Variants in PVT1 observed in about 807,000 individuals in gnomAD.
PVT1 encodes the protein Pvt1 oncogene.
chr8:128,083,231 C>A (rs1323459447), intron 5 of PVT1, among the ~76,000 whole-genome samples: 1 of 152,196 alleles, frequency 6.6e-6, no homozygotes, highest in Non-Finnish European at 1.5e-5. Flanking sequence ...TTGTTAGGAT[C>A]ATCGAATGGC....
intron 2 of PVT1, among the ~76,000 whole-genome samples, chr8:127,796,843 G>A (rs926332414): frequency 6.6e-6 from 1 of 150,378 alleles, no homozygotes; most frequent in Non-Finnish European, 1.5e-5. Context: ...ATAGTTGGCT[G>A]CAGACATAAG....
intron 2 of PVT1, among the ~76,000 whole-genome samples, chr8:127,813,456 G>T (rs545399639): frequency 6.6e-6 from 1 of 151,948 alleles, no homozygotes; most frequent in Non-Finnish European, 1.5e-5. Flanking sequence ...GGTTGTATTT[G>T]TAAATGCCTC....
At chr8:128,059,108 A>G (rs983575417) in intron 4 of PVT1, among the ~76,000 whole-genome samples, 10 of 152,278 alleles carry the variant, frequency 6.6e-5, no homozygotes, top group Middle Eastern at 3.4e-3. Flanking sequence ...CACATATTTT[A>G]TCATGGATAG....
chr8:128,006,627 A>G (rs748433733), intron 4 of PVT1, among the ~76,000 whole-genome samples: 2 of 152,242 alleles, frequency 1.3e-5, no homozygotes, highest in Non-Finnish European at 2.9e-5. Context: ...AGTTATTACT[A>G]CAGTGTGTGC....
At chr8:127,875,019 C>T (rs141693846) in intron 2 of PVT1, among the ~76,000 whole-genome samples, 6 of 152,124 alleles carry the variant, frequency 3.9e-5, no homozygotes, top group Non-Finnish European at 7.4e-5. Context: ...GGATGTGACC[C>T]CTTGGGTGCC....
At chr8:128,046,417 G>A (rs1035100625) in intron 4 of PVT1, among the ~76,000 whole-genome samples, 6 of 152,198 alleles carry the variant, frequency 3.9e-5, no homozygotes, top group African/African-American at 7.2e-5. Flanking sequence ...TCTGAAGTCC[G>A]GGAGCCTGGC....
At chr8:127,872,764 CACATGGGGG>C (rs1815364697) in intron 2 of PVT1, among the ~76,000 whole-genome samples, 1 of 152,184 alleles carries the variant, frequency 6.6e-6, no homozygotes, top group South Asian at 2.1e-4. Context: ...TTTCAGGTCT[CACATGGGGG>C]ACAGTCTTGC....
intron 4 of PVT1, among the ~76,000 whole-genome samples, chr8:128,007,823 G>C (rs1227759540): frequency 6.6e-6 from 1 of 152,206 alleles, no homozygotes; most frequent in Non-Finnish European, 1.5e-5. Context: ...AGGCAGTGCT[G>C]TGCAATGTCT....
intron 2 of PVT1, among the ~76,000 whole-genome samples, chr8:127,825,221 T>A (rs1214347813): frequency 6.6e-6 from 1 of 151,974 alleles, no homozygotes; most frequent in Non-Finnish European, 1.5e-5. Flanking sequence ...TGCACATATG[T>A]GTGCAGAAAC....
At chr8:128,005,366 C>G (rs1360790264) in intron 4 of PVT1, among the ~76,000 whole-genome samples, 1 of 152,126 alleles carries the variant, frequency 6.6e-6, no homozygotes, top group Non-Finnish European at 1.5e-5. Flanking sequence ...GATTGGACAC[C>G]CCTGTCTTAG....
chr8:127,984,363 A>T (rs1816920042), intron 3 of PVT1, among the ~76,000 whole-genome samples: 1 of 152,164 alleles, frequency 6.6e-6, no homozygotes, highest in Non-Finnish European at 1.5e-5. Flanking sequence ...AGCCATCGGG[A>T]AGTAGAGTGG....
chr8:127,911,171 C>T (rs1437170629), intron 3 of PVT1, among the ~76,000 whole-genome samples: 1 of 152,140 alleles, frequency 6.6e-6, no homozygotes, highest in Admixed American at 6.5e-5. Context: ...AGGTGGGACT[C>T]CCAGAATAGT....
intron 4 of PVT1, among the ~76,000 whole-genome samples, chr8:128,063,717 G>A (rs892530633): frequency 6.6e-6 from 1 of 152,100 alleles, no homozygotes; most frequent in Non-Finnish European, 1.5e-5. Flanking sequence ...CTGGGGAGGG[G>A]GTTGGGGAGA....
chr8:127,992,271 A>G (rs563558763), intron 4 of PVT1, among the ~76,000 whole-genome samples: 2 of 152,300 alleles, frequency 1.3e-5, no homozygotes, highest in Non-Finnish European at 2.9e-5. Context: ...CTGTAATCCT[A>G]GCTACTTGGG....
intron 3 of PVT1, among the ~76,000 whole-genome samples, chr8:127,970,428 G>GCTGGGA: frequency 6.7e-6 from 1 of 149,256 alleles, no homozygotes; most frequent in South Asian, 2.2e-4. Flanking sequence ...CTCCCGAGTA[G>GCTGGGA]CTGGGACTAC....
At chr8:127,897,143 T>C (rs1025052471) in intron 3 of PVT1, among the ~76,000 whole-genome samples, 5 of 152,116 alleles carry the variant, frequency 3.3e-5, no homozygotes, top group Admixed American at 3.3e-4. Context: ...TTCCACTCTT[T>C]CCCCAACCCC....
intron 2 of PVT1, among the ~76,000 whole-genome samples, chr8:127,828,739 C>A (rs983166471): frequency 1.4e-4 from 22 of 152,052 alleles, no homozygotes; most frequent in Admixed American, 1.4e-3. Context: ...GGTCCGCCCC[C>A]CCAGACTCAT....
At chr8:127,947,370 C>T (rs903826180) in intron 3 of PVT1, 1 of 255,942 alleles carries the variant, frequency 3.9e-6, no homozygotes, top group African/African-American at 2.2e-5. Context: ...AAAGGTGGAT[C>T]GAGAGAGTTT....
chr8:127,982,953 A>AGTG (rs1449913944), intron 3 of PVT1, among the ~76,000 whole-genome samples: 1 of 152,164 alleles, frequency 6.6e-6, no homozygotes, highest in Non-Finnish European at 1.5e-5. Context: ...TGTTGTGCAC[A>AGTG]GTGGTGGGGG....
Sources: allele counts gnomAD v4.1 joint callset (sites outside exome capture counted in the v4.1 genomes callset), GRCh38; gene constraint gnomAD v4.1.1; transcripts MANE v1.5; gene names NCBI Gene and HGNC (gene_info 2026-07-23, HGNC 2026-07-21).